CTDSPL2: variants seen among roughly 807,000 people sequenced by gnomAD.
CTDSPL2 encodes the protein CTD small phosphatase like 2.
CTDSPL2 carries 5 observed loss-of-function variants against 60.0 expected under a neutral mutation model. The ratio of observed to expected loss-of-function variants is 0.08; its 90% CI spans 0.04 to 0.18. The LOEUF is 0.18. Among genes scored for constraint, CTDSPL2 ranks in the 10% least tolerant of loss-of-function variants. CTDSPL2 has a pLI of 1.00. For missense variants in CTDSPL2, 370 were observed against 548.8 expected (o/e 0.67, Z 3.26); for synonymous variants, 186 against 189.3 (o/e 0.98, Z 0.14).
At chr15:44,499,139 G>A (rs1444998192) in intron 7 of CTDSPL2, among the ~76,000 whole-genome samples, 2 of 152,078 alleles carry the variant, frequency 1.3e-5, no homozygotes, top group African/African-American at 2.4e-5. Flanking sequence ...GCCAGGCACG[G>A]TGGCTCACTT....
intron 2 of CTDSPL2, among the ~76,000 whole-genome samples, chr15:44,465,150 T>C (rs951484320): frequency 6.6e-6 from 1 of 152,196 alleles, no homozygotes; most frequent in Non-Finnish European, 1.5e-5. Flanking sequence ...AATACAGATT[T>C]TGTGATTCAA....
intron 1 of CTDSPL2, among the ~76,000 whole-genome samples, chr15:44,430,811 C>A (rs999616528): frequency 5.2e-4 from 79 of 151,630 alleles, no homozygotes; most frequent in African/African-American, 1.8e-3. Context: ...TACAGGGGGT[C>A]ATTTGCTACT....
chr15:44,497,224 TTGTCAGGATCA>T, intron 7 of CTDSPL2, 86 bp downstream of exon 7: 1 of 773,702 alleles, frequency 1.3e-6, no homozygotes. Context: ...TCCCTTTTTT[TTGTCAGGATCA>T]TGTTTTCCTG....
intron 2 of CTDSPL2, chr15:44,470,627 T>C (rs1469011514): frequency 6.6e-6 from 1 of 152,074 alleles, no homozygotes; most frequent in Non-Finnish European, 1.5e-5. Context: ...TTTATATTTT[T>C]AGTAGAGACA....
At chr15:44,491,148 T>G in intron 5 of CTDSPL2, 149 bp downstream of exon 5, 6 of 641,392 alleles carry the variant, frequency 9.4e-6, no homozygotes, top group Non-Finnish European at 1.6e-5. Flanking sequence ...CAAAGCTTTG[T>G]CCCAAAAATC....
At chr15:44,480,797 C>T (rs1307013139) in intron 2 of CTDSPL2, among the ~76,000 whole-genome samples, 1 of 151,314 alleles carries the variant, frequency 6.6e-6, no homozygotes, top group East Asian at 2.0e-4. Context: ...TGTGCTACTA[C>T]ACTCCAGTAT....
chr15:44,491,022 T>C lies in CTDSPL2; in HGVS notation c.691+23T>C, dbSNP rs779393977. ...CAGGTGAAGAAAATTTCTTTTCTTA[T>C]ACATCTTCATGAGTAGTTGATAAAA... On this transcript the variant is annotated intron_variant, in intron 5 of 12. Coordinates refer to ENST00000260327, the MANE Select transcript of CTDSPL2 (RefSeq NM_016396.3). The C allele has an allele frequency of 2.3e-5, 35 of 1,539,346 alleles. 1 individual carries two copies. In the Admixed American group the frequency reaches 3.4e-4, roughly 15 times the overall value.
Position 44,525,508 on chromosome 15 carries a change from CTG to C in CTDSPL2, c.*1336_*1337del. The C allele has an allele frequency of 2.5e-6, 1 of 398,826 alleles. No individual in the cohort carries two copies. The highest frequency in any genetic ancestry group is 4.4e-6 in the Non-Finnish European group (1 of 225,932). The allele number at this position is 398,826 out of a possible 1,614,324, so 24.7% of individuals were successfully genotyped here. On this transcript the variant is annotated 3_prime_UTR_variant, in exon 13 of 13. Transcript: ENST00000260327. ...TGCATTAACATGCCACAGGCTCAGA[CTG>C]TTTTTGTGTAAAGGATGTCAAAGAA...
rs533151261 is a variant in CTDSPL2, at chr15:44,527,523, G to C, written c.*3349G>C. ...TAAGGACCAGATCTCTTCCATGTCTGTGTCAATCACATAAAGCTAAAATGT... is the reference window on the plus strand; with the variant it reads ...TAAGGACCAGATCTCTTCCATGTCTCTGTCAATCACATAAAGCTAAAATGT... On this transcript the variant is annotated 3_prime_UTR_variant, in exon 13 of 13. Coordinates refer to ENST00000260327, the MANE Select transcript of CTDSPL2 (RefSeq NM_016396.3). 5 of 152,228 alleles carry C rather than the reference G, an allele frequency of 3.3e-5. No individual in the cohort carries two copies. Among genetic ancestry groups the C allele is most frequent in the African/African-American group, 9.6e-5 (4 of 41,548 alleles). The allele number at this position is 152,228 out of a possible 1,614,324, so 9.4% of individuals were successfully genotyped here. A position where few individuals can be genotyped will look rare whatever the true frequency, so the allele number is the denominator to read the frequency against.
At chr15:44,443,788 CT>C (rs1402918222) in intron 1 of CTDSPL2, among the ~76,000 whole-genome samples, 5 of 152,014 alleles carry the variant, frequency 3.3e-5, no homozygotes, top group Admixed American at 2.0e-4. Context: ...GATTGTAATG[CT>C]TTATGTATTC....
chr15:44,521,149 T>C (rs918663039), intron 11 of CTDSPL2, 162 bp from the exon 12 acceptor site: 1 of 441,548 alleles, frequency 2.3e-6, no homozygotes, highest in Non-Finnish European at 4.0e-6. Flanking sequence ...ATCCTCTGTC[T>C]CTTGCACTAT....
intron 1 of CTDSPL2, among the ~76,000 whole-genome samples, chr15:44,457,940 C>CT (rs976715882): frequency 6.6e-6 from 1 of 151,926 alleles, no homozygotes; most frequent in Non-Finnish European, 1.5e-5. Context: ...TAAAAAGTTT[C>CT]TTTTTTTTCT....
chr15:44,504,209 G>A (rs183968846), intron 8 of CTDSPL2, among the ~76,000 whole-genome samples: 1 of 152,150 alleles, frequency 6.6e-6, no homozygotes, highest in East Asian at 1.9e-4. Context: ...AATTAGCCGG[G>A]CGTGGTGGCA....
chr15:44,465,960 G>A (rs756095349), intron 2 of CTDSPL2, among the ~76,000 whole-genome samples: 5 of 143,914 alleles, frequency 3.5e-5, no homozygotes, highest in East Asian at 2.0e-4. Context: ...TTTTAAAGAC[G>A]GAGTCTCACT....
intron 1 of CTDSPL2, among the ~76,000 whole-genome samples, chr15:44,443,279 G>C (rs146914610): frequency 6.6e-6 from 1 of 152,040 alleles, no homozygotes; most frequent in Non-Finnish European, 1.5e-5. Flanking sequence ...TTGTGTGTAC[G>C]TACCACATTT....
chr15:44,497,527 G>A (rs1410120964), intron 7 of CTDSPL2, among the ~76,000 whole-genome samples: 2 of 151,874 alleles, frequency 1.3e-5, no homozygotes, highest in South Asian at 2.1e-4. Context: ...CACCATGCCC[G>A]GCTAATTTTT....
chr15:44,488,757 T>C (rs1015574616), intron 4 of CTDSPL2, among the ~76,000 whole-genome samples: 5 of 152,144 alleles, frequency 3.3e-5, no homozygotes, highest in African/African-American at 1.2e-4. Flanking sequence ...AGGCCGAGGT[T>C]GCAGTGAGCT....
intron 2 of CTDSPL2, among the ~76,000 whole-genome samples, chr15:44,473,989 G>A (rs952051368): frequency 6.6e-6 from 1 of 152,018 alleles, no homozygotes; most frequent in African/African-American, 2.4e-5. Context: ...TCACCACACC[G>A]GGCTAATTTT....
intron 2 of CTDSPL2, among the ~76,000 whole-genome samples, chr15:44,474,178 C>T (rs2140750252): frequency 6.6e-6 from 1 of 152,280 alleles, no homozygotes; most frequent in South Asian, 2.1e-4. Context: ...ACAGCTTCAT[C>T]AAGAACTTTC....
Sources: gnomAD v4.1 joint callset for allele counts (sites outside exome capture counted in the v4.1 genomes callset) on GRCh38, gnomAD v4.1.1 for gene constraint, MANE v1.5 for transcripts, NCBI Gene and HGNC (gene_info 2026-07-23, HGNC 2026-07-21) for gene names.